TBC1D31: variants seen among roughly 807,000 people sequenced by gnomAD.
The protein encoded by TBC1D31 is WD repeat domain 67.
A neutral mutation model predicts 132.9 loss-of-function variants in TBC1D31; 99 were observed. The observed-to-expected ratio is 0.74, with a 90% CI of 0.63 to 0.88. The LOEUF is 0.88. Among genes scored for constraint, TBC1D31 ranks in the 40% least tolerant of loss-of-function variants. The pLI is 0.00. For synonymous variants in TBC1D31, 385 were observed against 419.4 expected (o/e 0.92, Z 1.00); for missense variants, 1,134 against 1,256.6 (o/e 0.90, Z 1.48).
chr8:123,130,226 G>A lies in TBC1D31; in HGVS notation c.2299G>A (p.Val767Ile). ...AGCTGCTGTGAAAAGAGAGCTGAAAGTAAAGGAAATGCACTTACAAGATGC... is the reference window on the plus strand; with the variant it reads ...AGCTGCTGTGAAAAGAGAGCTGAAAATAAAGGAAATGCACTTACAAGATGC... ...RLAAVKRELK[V>I]KEMHLQDAAR... The change falls in exon 16 of 22, where the codon GTA becomes ATA. Residue 767 changes from valine (V) to isoleucine (I), a missense_variant. Val to Ile is a conservative substitution (Grantham distance 29). Transcript: ENST00000287380. 1 of 1,611,984 alleles carries A rather than the reference G, an allele frequency of 6.2e-7. No individual in the cohort carries two copies. Among genetic ancestry groups the A allele is most frequent in the Non-Finnish European group, 8.5e-7 (1 of 1,178,998 alleles).
the TBC1D31 span, among the ~76,000 whole-genome samples, chr8:123,161,986 C>G: frequency 7.9e-5 from 11 of 138,952 alleles, no homozygotes; most frequent in African/African-American, 2.3e-4. Flanking sequence ...CCACTGCACT[C>G]CAGCCTGGAT....
chr8:123,144,168 A>G (rs949417871), intron 19 of TBC1D31, among the ~76,000 whole-genome samples: 7 of 152,156 alleles, frequency 4.6e-5, no homozygotes, highest in African/African-American at 1.7e-4. Flanking sequence ...ATTTCGGCAA[A>G]CTTTAGGAGT....
chr8:123,135,192 G>A (rs1007747451), intron 17 of TBC1D31, among the ~76,000 whole-genome samples: 9 of 152,140 alleles, frequency 5.9e-5, no homozygotes, highest in Non-Finnish European at 1.0e-4. Flanking sequence ...GAGCCACCAC[G>A]CCTGGCCTGT....
chr8:123,124,593 A>G (rs1819847256), intron 11 of TBC1D31, among the ~76,000 whole-genome samples: 1 of 152,178 alleles, frequency 6.6e-6, no homozygotes, highest in South Asian at 2.1e-4. Context: ...TGTCAGAGAC[A>G]TAACAAGTAC....
chr8:123,104,283 T>C (rs1817714779), intron 7 of TBC1D31: 1 of 152,210 alleles, frequency 6.6e-6, no homozygotes, highest in Non-Finnish European at 1.5e-5. Flanking sequence ...TTTGTTAAGA[T>C]TTTACTTGTT....
intron 13 of TBC1D31, 182 bp from the exon 14 acceptor site, chr8:123,128,097 ACT>A (rs1820251053): frequency 4.9e-6 from 2 of 412,282 alleles, no homozygotes; most frequent in South Asian, 1.5e-4. Flanking sequence ...TGATTGTGAA[ACT>A]CTTACATTTT....
chr8:123,145,624 G>A (rs2130939087), intron 20 of TBC1D31, among the ~76,000 whole-genome samples: 1 of 151,746 alleles, frequency 6.6e-6, no homozygotes, highest in South Asian at 2.1e-4. Context: ...CCAGGAGTTT[G>A]AGGCTGCAGT....
chr8:123,140,732 T>G (rs1363921433), intron 17 of TBC1D31, 29 bp from the exon 18 acceptor site: 16 of 1,563,870 alleles, frequency 1.0e-5, no homozygotes, highest in Non-Finnish European at 1.4e-5. Flanking sequence ...TATAAATTAG[T>G]GATTTTTTTT....
chr8:123,116,933 T>C lies in TBC1D31; in HGVS notation c.1437-3122T>C, dbSNP rs547752916. On this transcript the variant is annotated intron_variant, in intron 10 of 21. Transcript: ENST00000287380. ...CAGTTCTAATAAATATAGAAGGAAT[T>C]AGAGATATAGAAAATCACTATTGGG... is the stretch of plus-strand genomic sequence containing the variant. 3.2e-4 allele frequency among the ~76,000 whole-genome samples: 49 copies of C among 152,218 alleles called. 1 individual carries two copies. Among genetic ancestry groups the C allele is most frequent in the Non-Finnish European group, 5.0e-4 (34 of 67,998 alleles).
downstream of TBC1D31, among the ~76,000 whole-genome samples, chr8:123,154,895 A>T (rs1312666742): frequency 6.6e-6 from 1 of 152,190 alleles, no homozygotes; most frequent in African/African-American, 2.4e-5. Context: ...AAGGAAGAGA[A>T]GCCTTGTTTC....
At chr8:123,115,305 G>A (rs1818816117) in intron 10 of TBC1D31, among the ~76,000 whole-genome samples, 1 of 152,150 alleles carries the variant, frequency 6.6e-6, no homozygotes, top group Non-Finnish European at 1.5e-5. Flanking sequence ...CTATCCTTAG[G>A]AGAATATGTT....
chr8:123,078,577 T>C (rs984115276), intron 2 of TBC1D31, among the ~76,000 whole-genome samples: 3 of 152,136 alleles, frequency 2.0e-5, no homozygotes, highest in African/African-American at 7.2e-5. Context: ...CTAAAAAGAA[T>C]CAAGGATATT....
intron 7 of TBC1D31, 118 bp downstream of exon 7, chr8:123,101,125 G>A: frequency 1.3e-6 from 1 of 799,970 alleles, no homozygotes; most frequent in Non-Finnish European, 2.0e-6. Context: ...CATTTTTCTG[G>A]ATATATTTTG....
At chr8:123,145,900 C>T (rs1455591404) in intron 20 of TBC1D31, among the ~76,000 whole-genome samples, 38 of 125,062 alleles carry the variant, frequency 3.0e-4, no homozygotes, top group African/African-American at 9.4e-4. Context: ...GACAGAGTTT[C>T]GCTCTTGTCT....
chr8:123,151,409 T>G (rs751048296), intron 21 of TBC1D31, among the ~76,000 whole-genome samples: 1 of 152,234 alleles, frequency 6.6e-6, no homozygotes, highest in Non-Finnish European at 1.5e-5. Context: ...TTACTTATTT[T>G]TATTTATTTA....
rs1815415459 is a variant in TBC1D31, at chr8:123,083,609, CTA to C, written c.341-552_341-551del. On this transcript the variant is annotated intron_variant, in intron 3 of 21. Coordinates refer to ENST00000287380, the MANE Select transcript of TBC1D31 (RefSeq NM_145647.4). ...ACAGTATCACCATCTGCTTAAATAA[CTA>C]AGCTGGAACCACTGGAGCCTTCACT... 2 of 152,422 alleles carry C rather than the reference CTA, an allele frequency of 1.3e-5. 1 individual carries two copies. The highest frequency in any genetic ancestry group is 4.1e-4 in the South Asian group (2 of 4,832). 9.4% of individuals were successfully genotyped at this position (152,422 alleles called of 1,614,324 possible).
chr8:123,074,649 T>C (rs1269029560), intron 1 of TBC1D31, among the ~76,000 whole-genome samples: 3 of 152,368 alleles, frequency 2.0e-5, no homozygotes, highest in Admixed American at 6.5e-5. Flanking sequence ...ATTATCCAAA[T>C]GTCTTGTTTG....
chr8:123,147,616 C>T (rs1009335590), intron 20 of TBC1D31, among the ~76,000 whole-genome samples: 4 of 152,158 alleles, frequency 2.6e-5, no homozygotes, highest in African/African-American at 9.7e-5. Flanking sequence ...GTCTTCCCTT[C>T]GTGCTAAATT....
chr8:123,080,815 G>A (rs1390227927), intron 2 of TBC1D31, among the ~76,000 whole-genome samples: 3 of 152,102 alleles, frequency 2.0e-5, no homozygotes, highest in African/African-American at 4.8e-5. Flanking sequence ...GATTAGAGGC[G>A]TGAGCCACCG....
Sources: allele counts gnomAD v4.1 joint callset (sites outside exome capture counted in the v4.1 genomes callset), GRCh38; gene constraint gnomAD v4.1.1; transcripts MANE v1.5; gene names NCBI Gene and HGNC (gene_info 2026-07-23, HGNC 2026-07-21).